ZNF490: variants seen among roughly 807,000 people sequenced by gnomAD.
ZNF490 encodes the protein zinc finger protein 490.
In ZNF490, 11 loss-of-function variants were observed where a neutral mutation model predicts 17.7. That is an observed-to-expected ratio of 0.62 (90% CI 0.39 to 1.03). The LOEUF (loss-of-function observed/expected upper bound fraction) is 1.03, where lower values mean the gene tolerates loss of function less well. Among genes scored for constraint, ZNF490 ranks in the 50% least tolerant of loss-of-function variants. ZNF490 has a pLI of 0.00. For missense variants in ZNF490, 542 were observed against 643.4 expected (o/e 0.84, Z 1.71); for synonymous variants, 222 against 216.1 (o/e 1.03, Z -0.24).
At chr19:12,597,107 T>C (rs1355947154) in intron 2 of ZNF490, 2 of 460,022 alleles carry the variant, frequency 4.3e-6, no homozygotes, top group South Asian at 1.5e-5. Flanking sequence ...TTCCGACAAG[T>C]CCCCTCCTCA....
chr19:12,592,847 C>T (rs191443089), intron 2 of ZNF490, among the ~76,000 whole-genome samples: 16 of 152,276 alleles, frequency 1.1e-4, no homozygotes, highest in African/African-American at 3.6e-4. Flanking sequence ...TTTTCTGTAA[C>T]TCTGAAATAG....
At chr19:12,610,461 G>T in intron 1 of ZNF490, 103 bp downstream of exon 1, 1 of 966,912 alleles carries the variant, frequency 1.0e-6, no homozygotes, top group Non-Finnish European at 1.6e-6. Context: ...AGATTAAAAT[G>T]CAACCACACT....
chr19:12,593,618 T>C (rs1220679043), intron 2 of ZNF490, among the ~76,000 whole-genome samples: 1 of 152,168 alleles, frequency 6.6e-6, no homozygotes, highest in Non-Finnish European at 1.5e-5. Flanking sequence ...TGTGTAAACA[T>C]GTGCAGATGG....
At chr19:12,596,264 C>CAA (rs74180082) in intron 2 of ZNF490, among the ~76,000 whole-genome samples, 45 of 93,164 alleles carry the variant, frequency 4.8e-4, no homozygotes, top group African/African-American at 1.6e-3. Context: ...GACTCCGTCT[C>CAA]AAAAAAAAAA....
In ZNF490 at chr19:12,578,425, C is replaced by T. The variant is rs192495802; in HGVS notation, c.*2060G>A. 3 of 985,360 alleles carry T rather than the reference C, an allele frequency of 3.0e-6. No homozygotes were observed. The highest frequency in any genetic ancestry group is 1.1e-4 in the East Asian group (1 of 8,822). The allele number at this position is 985,360 out of a possible 1,614,324, so 61.0% of individuals were successfully genotyped here. On this transcript the variant is annotated 3_prime_UTR_variant, in exon 5 of 5. Coordinates refer to ENST00000311437, the MANE Select transcript of ZNF490 (RefSeq NM_020714.3). ...AGGGGTGTGTGTCCCATGATACAGG[C>T]TCTGCTTCTTCAGTCTCTCACCTCA...
chr19:12,576,851 A>G lies in ZNF490; in HGVS notation c.*3634T>C, dbSNP rs1037878420. Among the ~76,000 whole-genome samples, 64 of 150,160 alleles carry G rather than the reference A, an allele frequency of 4.3e-4. No individual in the cohort carries two copies. The highest frequency in any genetic ancestry group is 5.6e-4 in the Non-Finnish European group (38 of 67,708). On this transcript the variant is annotated 3_prime_UTR_variant, in exon 5 of 5. Coordinates refer to ENST00000311437, the MANE Select transcript of ZNF490 (RefSeq NM_020714.3). ...AAAAAAAAAAACCTAAAAGCATTCC[A>G]TATTTAAAAATATATATAAATATAT...
intron 2 of ZNF490, among the ~76,000 whole-genome samples, chr19:12,599,810 T>G (rs1205896369): frequency 6.6e-6 from 1 of 152,188 alleles, no homozygotes; most frequent in Non-Finnish European, 1.5e-5. Context: ...AAAATAAAGC[T>G]GAAAGTTTAA....
chr19:12,600,145 G>A (rs916060415), intron 2 of ZNF490, among the ~76,000 whole-genome samples: 1 of 151,948 alleles, frequency 6.6e-6, no homozygotes, highest in Non-Finnish European at 1.5e-5. Flanking sequence ...GGCAGATCAC[G>A]AGGTTAGGAG....
At chr19:12,602,947 T>A (rs1351941443) in intron 2 of ZNF490, among the ~76,000 whole-genome samples, 1 of 152,058 alleles carries the variant, frequency 6.6e-6, no homozygotes, top group Non-Finnish European at 1.5e-5. Context: ...TTTTCTTATG[T>A]GCAGAGTACT....
rs1289205308 is a variant in ZNF490 at position 12,577,082 on chromosome 19, C to G, written c.*3403G>C. ...ATAACCACCACAGTGCCTTATATAT[C>G]CTTGCTTGCTTTCGTGTCTTCCAGA... is the stretch of plus-strand genomic sequence containing the variant. On this transcript the variant is annotated 3_prime_UTR_variant, in exon 5 of 5. Coordinates refer to ENST00000311437, the MANE Select transcript of ZNF490 (RefSeq NM_020714.3). 6.6e-6 allele frequency among the ~76,000 whole-genome samples: 1 copy of G among 152,064 alleles called. No homozygotes were observed. The highest frequency in any genetic ancestry group is 1.5e-5 in the Non-Finnish European group (1 of 68,024).
chr19:12,579,742 TAC>T lies in ZNF490; in HGVS notation c.*741_*742del, dbSNP rs1465359448. On this transcript the variant is annotated 3_prime_UTR_variant, in exon 5 of 5. Coordinates refer to ENST00000311437, the MANE Select transcript of ZNF490 (RefSeq NM_020714.3). Reference sequence around the variant, plus strand: ...AGAAGAATTGCTTGAACCCAGAGGTTACAGTGAGCCAGGATCACACCACTGCA... The same window carrying T: ...AGAAGAATTGCTTGAACCCAGAGGTTAGTGAGCCAGGATCACACCACTGCA... 2.6e-5 allele frequency: 4 copies of T among 152,066 alleles called. No individual in the cohort carries two copies. Among genetic ancestry groups the T allele is most frequent in the African/African-American group, 9.7e-5 (4 of 41,370 alleles). 9.4% of individuals were successfully genotyped at this position (152,066 alleles called of 1,614,324 possible).
intron 2 of ZNF490, among the ~76,000 whole-genome samples, chr19:12,606,343 C>CT (rs35743660): frequency 0.034 from 4,133 of 121,660 alleles, 179 homozygotes; most frequent in African/African-American, 0.1. Context: ...CTGGGTAATT[C>CT]TTTTTTTTTT....
At chr19:12,610,510 C>G in intron 1 of ZNF490, 54 bp downstream of exon 1, 1 of 1,381,030 alleles carries the variant, frequency 7.2e-7, no homozygotes, top group Non-Finnish European at 1.0e-6. Flanking sequence ...TGTTTATAAA[C>G]AAGGGTCACT....
In ZNF490 at chr19:12,577,384, G is replaced by A. The variant is rs890482490; in HGVS notation, c.*3101C>T. ...CCCATTCTGACAGTGAAGGAATCTC[G>A]AACTTCCTGACCTCCCACAGTACAA... On this transcript the variant is annotated 3_prime_UTR_variant, in exon 5 of 5. Transcript: ENST00000311437. 10 of 970,578 alleles carry A rather than the reference G, an allele frequency of 1.0e-5. No homozygotes were observed. Among genetic ancestry groups the A allele is most frequent in the African/African-American group, 8.8e-5 (5 of 56,888 alleles). The allele number at this position is 970,578 out of a possible 1,614,324, so 60.1% of individuals were successfully genotyped here.
At chr19:12,581,827 A>G (rs2145140001) in intron 4 of ZNF490, 103 bp from the exon 5 acceptor site, 1 of 1,068,520 alleles carries the variant, frequency 9.4e-7, no homozygotes, top group Admixed American at 2.6e-5. Context: ...CAGAAACTGT[A>G]TGTTATCTGC....
intron 2 of ZNF490, among the ~76,000 whole-genome samples, chr19:12,588,894 G>C (rs936463130): frequency 1.3e-5 from 2 of 152,148 alleles, no homozygotes; most frequent in African/African-American, 4.8e-5. Context: ...AAATTATTTT[G>C]AATTAAATAA....
intron 2 of ZNF490, among the ~76,000 whole-genome samples, chr19:12,595,502 G>A (rs1425046005): frequency 6.6e-6 from 1 of 150,688 alleles, no homozygotes; most frequent in African/African-American, 2.4e-5. Flanking sequence ...TTTCTTTTGT[G>A]CCCTTCCTTC....
intron 2 of ZNF490, among the ~76,000 whole-genome samples, chr19:12,595,610 C>T (rs2022923122): frequency 6.6e-6 from 1 of 151,952 alleles, no homozygotes; most frequent in African/African-American, 2.4e-5. Context: ...CTCCAGAAAA[C>T]CTCAAATTGT....
Position 12,589,817 on chromosome 19 carries a change from T to C in ZNF490, c.163-6261A>G, listed in dbSNP as rs180739524. ...GCTTAATGTGAAAAACTAGATGTTT[T>C]CCCAGTAATATGAGGAACAAGGTAA... On this transcript the variant is annotated intron_variant, in intron 2 of 4. Coordinates refer to ENST00000311437, the MANE Select transcript of ZNF490 (RefSeq NM_020714.3). 3.2e-4 allele frequency among the ~76,000 whole-genome samples: 48 copies of C among 152,272 alleles called. 1 individual carries two copies. Among genetic ancestry groups the C allele is most frequent in the African/African-American group, 1.1e-3 (47 of 41,560 alleles).
Sources: allele counts gnomAD v4.1 joint callset (sites outside exome capture counted in the v4.1 genomes callset), GRCh38; gene constraint gnomAD v4.1.1; transcripts MANE v1.5; gene names NCBI Gene and HGNC (gene_info 2026-07-23, HGNC 2026-07-21).